Variants in SHC2 observed in about 807,000 individuals in gnomAD.
SHC2 encodes SHC-transforming protein 2.
In SHC2, 62 loss-of-function variants were observed where a neutral mutation model predicts 60.6. The observed-to-expected ratio is 1.02, with a 90% CI of 0.83 to 1.26. SHC2 has a LOEUF of 1.26. Ranked by LOEUF, SHC2 falls within the 50% of genes most tolerant of loss-of-function variation. SHC2 has a pLI of 0.00. For missense variants in SHC2, 873 were observed against 822.2 expected, an observed-to-expected ratio of 1.06 and a Z score of -0.76; for synonymous variants, 375 against 372.4, an observed-to-expected ratio of 1.01 and a Z score of -0.08.
chr19:449,039 A>G (rs1345487124), intron 1 of SHC2, among the ~76,000 whole-genome samples: 1 of 152,090 alleles, frequency 6.6e-6, no homozygotes, highest in African/African-American at 2.4e-5. Context: ...ATGGTGGTGC[A>G]CACCTGTAGT....
At position 425,064 on chromosome 19, in the gene SHC2, G is replaced by A. The variant is rs150856399; in HGVS notation, c.1309+33C>T. The A allele has an allele frequency of 1.6e-4, 220 of 1,355,618 alleles. No homozygotes were observed. The Middle Eastern group carries it at 3.8e-3, about 23-fold the overall frequency. The allele number at this position is 1,355,618 out of a possible 1,614,324, so 84.0% of individuals were successfully genotyped here. ...CCCCCATCAGACAACACGGCCACACGCGATGACGGCCGCCCCCCAGGCTGC... is the reference window on the plus strand; with the variant it reads ...CCCCCATCAGACAACACGGCCACACACGATGACGGCCGCCCCCCAGGCTGC... On this transcript the variant is annotated intron_variant, in intron 10 of 12. Coordinates refer to ENST00000264554, the MANE Select transcript of SHC2 (RefSeq NM_012435.3). This position sits in a 1 kb window ranked among gnomAD's most constrained non-coding sequence, Gnocchi z 4.1.
Position 445,073 on chromosome 19 carries a change from C to A in SHC2, c.469-4141G>T, listed in dbSNP as rs1451126270. Reference sequence around the variant, plus strand: ...CTGCATGTCCCACGCTCCACGGCGCCCAGTGCTGCCGGCCATGTGCTTTTT... The same window carrying A: ...CTGCATGTCCCACGCTCCACGGCGCACAGTGCTGCCGGCCATGTGCTTTTT... On this transcript the variant is annotated intron_variant, in intron 1 of 12. Transcript: ENST00000264554. This position sits in a 1 kb window ranked among gnomAD's most constrained non-coding sequence, Gnocchi z 4.4. 1.3e-5 allele frequency among the ~76,000 whole-genome samples: 2 copies of A among 152,274 alleles called. No individual in the cohort carries two copies. Among genetic ancestry groups the A allele is most frequent in the Admixed American group, 6.5e-5 (1 of 15,294 alleles).
At chr19:418,785 C>T (rs974465548) in intron 12 of SHC2, 138 bp downstream of exon 12, 31 of 961,766 alleles carry the variant, frequency 3.2e-5, no homozygotes, top group Non-Finnish European at 4.1e-5. Context: ...GATGGTTGCA[C>T]GGCTCGGATG....
At position 460,518 on chromosome 19, in the gene SHC2, G is replaced by A; in HGVS notation, c.468+11C>T. 3.9e-6 allele frequency: 5 copies of A among 1,272,088 alleles called. No individual in the cohort carries two copies. The highest frequency in any genetic ancestry group is 5.0e-6 in the Non-Finnish European group (5 of 995,600). 78.8% of individuals were successfully genotyped at this position (1,272,088 alleles called of 1,614,324 possible). A position where few individuals can be genotyped will look rare whatever the true frequency, so the allele number is the denominator to read the frequency against. ...GCGAACGGGCTCCCGGGGGGGGTGG[G>A]GGGGACTCACCCGCACGACGTAGGA... is the stretch of plus-strand genomic sequence containing the variant. On this transcript the variant is annotated intron_variant, in intron 1 of 12. Transcript: ENST00000264554.
chr19:431,357 T>A (rs1974587317), intron 8 of SHC2, among the ~76,000 whole-genome samples: 1 of 124,156 alleles, frequency 8.1e-6, no homozygotes. Context: ...AGATCGTGAG[T>A]GAGAGATAGA....
chr19:422,806 T>C lies in SHC2; in HGVS notation c.1310-350A>G. The C allele has an allele frequency of 4.6e-6, 1 of 215,160 alleles. No individual in the cohort carries two copies. The highest frequency in any genetic ancestry group is 9.2e-6 in the Non-Finnish European group (1 of 109,198). 13.3% of individuals were successfully genotyped at this position (215,160 alleles called of 1,614,324 possible). ...GTACGCCTCTCGTTTCCTTGTCTGG[T>C]CTTACTGCATTGGCCGCGGGGCCTC... On this transcript the variant is annotated intron_variant, in intron 10 of 12. Transcript: ENST00000264554. The surrounding 1 kb of genome is among the most constrained non-coding windows in gnomAD (Gnocchi z 5.0).
Position 422,672 on chromosome 19 carries a change from T to C in SHC2, c.1310-216A>G. The C allele has an allele frequency of 1.9e-6, 1 of 524,280 alleles. No individual in the cohort carries two copies. Among genetic ancestry groups the C allele is most frequent in the Non-Finnish European group, 3.4e-6 (1 of 298,034 alleles). The allele number at this position is 524,280 out of a possible 1,614,324, so 32.5% of individuals were successfully genotyped here. The stretch of plus-strand genomic sequence containing the variant: ...GCAACCTGGACTCCCCAGGTTGGGT[T>C]TTCTAGGCACGTACTAAGCATGTAC... On this transcript the variant is annotated intron_variant, in intron 10 of 12. Coordinates refer to ENST00000264554, the MANE Select transcript of SHC2 (RefSeq NM_012435.3). The surrounding 1 kb of genome is among the most constrained non-coding windows in gnomAD (Gnocchi z 5.0).
Position 439,855 on chromosome 19 carries a change from G to A in SHC2, c.540-825C>T, listed in dbSNP as rs146971514. On this transcript the variant is annotated intron_variant, in intron 2 of 12. Transcript: ENST00000264554. ...GGTCTGACCAACATGGAGAAACCCC[G>A]TCTCTACTAAAAACATAAAAACTAG... is the stretch of plus-strand genomic sequence containing the variant. Among the ~76,000 whole-genome samples the A allele has an allele frequency of 6.5e-3, 992 of 151,996 alleles. 11 individuals carry two copies. Among genetic ancestry groups the A allele is most frequent in the African/African-American group, 0.022 (907 of 41,436 alleles).
At chr19:420,088 G>A (rs183908221) in intron 11 of SHC2, among the ~76,000 whole-genome samples, 2 of 152,320 alleles carry the variant, frequency 1.3e-5, no homozygotes, top group East Asian at 3.9e-4. Flanking sequence ...ACTGGTAGAC[G>A]TTCTGAAGCT....
At chr19:455,270 G>C (rs1186342961) in intron 1 of SHC2, among the ~76,000 whole-genome samples, 1 of 152,076 alleles carries the variant, frequency 6.6e-6, no homozygotes, top group African/African-American at 2.4e-5. Context: ...TCAGGTCTGT[G>C]GTGACAGCCC....
intron 1 of SHC2, among the ~76,000 whole-genome samples, chr19:443,603 C>T (rs1484292510): frequency 3.2e-4 from 24 of 75,704 alleles, no homozygotes; most frequent in African/African-American, 1.1e-3. Context: ...GATGGATGGA[C>T]GGGTGAGTGG....
chr19:457,670 G>C (rs1467370100), intron 1 of SHC2, among the ~76,000 whole-genome samples: 1 of 152,196 alleles, frequency 6.6e-6, no homozygotes, highest in African/African-American at 2.4e-5. Context: ...TGCAGTGACG[G>C]AAAGCAGCAG....
chr19:430,016 G>C (rs1974535048), intron 9 of SHC2, among the ~76,000 whole-genome samples: 1 of 150,714 alleles, frequency 6.6e-6, no homozygotes, highest in Non-Finnish European at 1.5e-5. Context: ...ACACCGTGTG[G>C]ATGACGCAGT....
intron 10 of SHC2, among the ~76,000 whole-genome samples, chr19:423,672 G>T (rs932608910): frequency 2.6e-5 from 4 of 151,850 alleles, no homozygotes; most frequent in Admixed American, 6.6e-5. Flanking sequence ...GTCCTGGGGG[G>T]TCCTCCAGCC....
At position 442,802 on chromosome 19, in the gene SHC2, G is replaced by GGTGGATGA. The variant is rs1311305212; in HGVS notation, c.469-1878_469-1871dup. On this transcript the variant is annotated intron_variant, in intron 1 of 12. Transcript: ENST00000264554. ...GGATGGATGGGTGGATGGATGGGTG[G>GGTGGATGA]GTGGATGAGTGGATGGGTGGATGGG... Among the ~76,000 whole-genome samples the GGTGGATGA allele has an allele frequency of 4.3e-3, 583 of 136,686 alleles. 8 individuals are homozygous for GGTGGATGA. Among genetic ancestry groups the GGTGGATGA allele is most frequent in the East Asian group, 0.019 (69 of 3,624 alleles). The allele number at this position is 136,686 out of a possible 152,430, so 89.7% of individuals were successfully genotyped here.
chr19:444,777 G>A (rs954473668), intron 1 of SHC2, among the ~76,000 whole-genome samples: 4 of 151,596 alleles, frequency 2.6e-5, no homozygotes, highest in Admixed American at 1.3e-4. Context: ...ACGCAGATCC[G>A]GTAATGATAC....
rs557960512 is a variant in SHC2 at position 440,370 on chromosome 19, A to G, written c.539+492T>C. On this transcript the variant is annotated intron_variant, in intron 2 of 12. Transcript: ENST00000264554. This position sits in a 1 kb window ranked among gnomAD's most constrained non-coding sequence, Gnocchi z 7.0. Reference sequence around the variant, plus strand: ...CATACGCACGTGTAAACTGTCTCACATGGTTTTTTTAAGTCTATACGAATG... The same window carrying G: ...CATACGCACGTGTAAACTGTCTCACGTGGTTTTTTTAAGTCTATACGAATG... Among the ~76,000 whole-genome samples the G allele has an allele frequency of 5.4e-4, 82 of 152,232 alleles. No homozygotes were observed. Among genetic ancestry groups the G allele is most frequent in the African/African-American group, 1.7e-3 (71 of 41,522 alleles).
At chr19:448,989 C>CAAA (rs879686895) in intron 1 of SHC2, among the ~76,000 whole-genome samples, 1 of 128,238 alleles carries the variant, frequency 7.8e-6, no homozygotes. Context: ...CCCGTCTCTA[C>CAAA]AAAAAAAAAA....
chr19:456,286 T>C (rs57322055), intron 1 of SHC2, among the ~76,000 whole-genome samples: 31,244 of 152,084 alleles, frequency 0.21, 5,534 homozygotes, highest in African/African-American at 0.47. Flanking sequence ...ATGTAGGTGC[T>C]GGGAGACGGG....
Sources: gnomAD v4.1 joint callset for allele counts (sites outside exome capture counted in the v4.1 genomes callset) on GRCh38, gnomAD v4.1.1 for gene constraint, Gnocchi (gnomAD v3.1) non-coding constraint, MANE v1.5 for transcripts, NCBI Gene and HGNC (gene_info 2026-07-23, HGNC 2026-07-21) for gene names.